Variants in MSH6 observed in about 807,000 individuals in gnomAD.
MSH6 encodes DNA mismatch repair protein Msh6.
A neutral mutation model predicts 119.1 loss-of-function variants in MSH6; 85 were observed. The ratio of observed to expected loss-of-function variants is 0.71; its 90% CI spans 0.60 to 0.85. MSH6 has a LOEUF of 0.85. MSH6 is among the 40% of genes least tolerant of loss of function. MSH6 has a pLI of 0.00. For missense variants in MSH6, 2,163 were observed against 1,655.3 expected (o/e 1.31, Z -5.32); for synonymous variants, 830 against 586.9 (o/e 1.41, Z -5.99).
At chr2:47,788,824 G>A (rs1255177470) in intron 1 of MSH6, among the ~76,000 whole-genome samples, 13 of 147,270 alleles carry the variant, frequency 8.8e-5, no homozygotes, top group African/African-American at 3.0e-4. Flanking sequence ...TGCCTGCCTC[G>A]TCCTCCCAAA....
rs1553413208 is a variant in MSH6 at position 47,799,806 on chromosome 2, T to C, written c.1823T>C (p.Ile608Thr). 2 of 1,614,228 alleles carry C rather than the reference T, an allele frequency of 1.2e-6. No individual in the cohort carries two copies. Among genetic ancestry groups the C allele is most frequent in the Middle Eastern group, 3.3e-4 (2 of 6,062 alleles). Residue 608 changes from isoleucine (I) to threonine (T), a missense_variant, in exon 4 of 10, where the codon ATT becomes ACT. Coordinates refer to ENST00000234420, the MANE Select transcript of MSH6 (RefSeq NM_000179.3). The stretch of plus-strand genomic sequence containing the variant: ...AATCTCTCAAAGGAAACTAAAACAA[T>C]TCTAAAGAGTTCATTGTCCTGTTCT... ...KGNLSKETKT[I>T]LKSSLSCSLQ...
chr2:47,803,299 G>C, intron 4 of MSH6, 121 bp from the exon 5 acceptor site: 1 of 1,306,544 alleles, frequency 7.7e-7, no homozygotes, highest in Middle Eastern at 2.0e-4. Context: ...GGAGATCGTT[G>C]GACTGTAATT....
Position 47,800,157 on chromosome 2 carries a change from T to C in MSH6, c.2174T>C (p.Ile725Thr), listed in dbSNP as rs2104392432. Residue 725 changes from isoleucine (I) to threonine (T), a missense_variant, in exon 4 of 10, where the codon ATC (isoleucine) becomes ACC (threonine). Ile to Thr is a moderately conservative substitution (Grantham distance 89). Transcript: ENST00000234420. ...DTVSTTRSGAIFTKAYQRMVL... is the reference protein window; with the variant it reads ...DTVSTTRSGATFTKAYQRMVL... ...GTCAGCACTACAAGATCTGGTGCTA[T>C]CTTCACCAAAGCCTATCAACGAATG... 3 of 1,614,202 alleles carry C rather than the reference T, an allele frequency of 1.9e-6. No homozygotes were observed. The highest frequency in any genetic ancestry group is 2.5e-6 in the Non-Finnish European group (3 of 1,180,028).
At chr2:47,804,830 G>GT (rs1669856452) in intron 5 of MSH6, 80 bp from the exon 6 acceptor site, 2 of 1,065,484 alleles carry the variant, frequency 1.9e-6, no homozygotes, top group South Asian at 1.3e-5. Context: ...TAGCTCTTAC[G>GT]TAAGGGTTCA....
At chr2:47,808,280 G>T, downstream of MSH6, 1 of 1,612,706 alleles carries the variant, frequency 6.2e-7, no homozygotes, top group Non-Finnish European at 8.5e-7. Context: ...TATTAGAAAA[G>T]TGAGGGGGAA....
rs1001812170 is a variant in MSH6, at chr2:47,804,981, T to A, written c.3510T>A (p.Ile1170=). Residue 1170 remains isoleucine, a synonymous_variant, in exon 6 of 10, where the codon ATT becomes ATA. Coordinates refer to ENST00000234420, the MANE Select transcript of MSH6 (RefSeq NM_000179.3). ...VPAEVCRLTP[I]DRVFTRLGAS... is the part of the protein sequence containing the mutation. Reference sequence around the variant, plus strand: ...CTGAAGTGTGCAGGCTCACACCAATTGATAGAGTGTTTACTAGACTTGGTG... The same window carrying A: ...CTGAAGTGTGCAGGCTCACACCAATAGATAGAGTGTTTACTAGACTTGGTG... The A allele has an allele frequency of 6.2e-7, 1 of 1,614,158 alleles. No individual in the cohort carries two copies.
At chr2:47,808,310 A>G, downstream of MSH6, 1 of 1,612,398 alleles carries the variant, frequency 6.2e-7, no homozygotes, top group South Asian at 1.1e-5. Context: ...GTAATATATC[A>G]AGCAAGTGTG....
At chr2:47,792,958 G>C (rs1668835634) in intron 2 of MSH6, among the ~76,000 whole-genome samples, 1 of 150,076 alleles carries the variant, frequency 6.7e-6, no homozygotes, top group Admixed American at 6.7e-5. Flanking sequence ...CTCCCAAGTA[G>C]TTGGGTGATC....
chr2:47,810,058 A>G, downstream of MSH6: 1 of 498,006 alleles, frequency 2.0e-6, no homozygotes, highest in Non-Finnish European at 3.5e-6. Context: ...GTGGTAATAC[A>G]AGCCTGCATT....
At position 47,796,884 on chromosome 2, in the gene MSH6, T is replaced by C. The variant is rs184266890; in HGVS notation, c.627+821T>C. ...GCTGAGGCATGAGAATTGCTTGAAC[T>C]TGGGAGGCAGAGGGACTTGGGAGGC... is the stretch of plus-strand genomic sequence containing the variant. On this transcript the variant is annotated intron_variant, in intron 3 of 9. Transcript: ENST00000234420. Among the ~76,000 whole-genome samples, 460 of 152,114 alleles carry C rather than the reference T, an allele frequency of 3.0e-3. 8 individuals are homozygous for C. The highest frequency in any genetic ancestry group is 1.6e-3 in the Non-Finnish European group (108 of 67,972).
At chr2:47,791,941 G>A (rs1275674308) in intron 2 of MSH6, among the ~76,000 whole-genome samples, 2 of 152,082 alleles carry the variant, frequency 1.3e-5, no homozygotes, top group South Asian at 2.1e-4. Context: ...CCACCTCCCG[G>A]GTTCAGGTGA....
At chr2:47,789,104 T>C (rs1471975291) in intron 1 of MSH6, among the ~76,000 whole-genome samples, 1 of 150,740 alleles carries the variant, frequency 6.6e-6, no homozygotes, top group East Asian at 2.0e-4. Context: ...TTTTGTATTT[T>C]TGGTAGAGAC....
At chr2:47,803,711 T>C (rs919607909) in intron 5 of MSH6, 26 bp downstream of exon 5, 10 of 1,613,810 alleles carry the variant, frequency 6.2e-6, no homozygotes, top group African/African-American at 1.3e-5. Flanking sequence ...AGTTTTGTTA[T>C]CAGAAAGTCA....
Position 47,803,507 on chromosome 2 carries a change from C to A in MSH6, c.3260C>A (p.Pro1087His), listed in dbSNP as rs63750753. The A allele has an allele frequency of 1.2e-4, 187 of 1,614,028 alleles. No individual in the cohort carries two copies. Among genetic ancestry groups the A allele is most frequent in the Admixed American group, 4.5e-4 (27 of 59,994 alleles). The change falls in exon 5 of 10, where the codon CCC (proline) becomes CAC (histidine). Residue 1087 changes from proline (P) to histidine (H), a missense_variant. Physicochemically the swap from Pro to His is moderately conservative, Grantham distance 77 (BLOSUM62 -2). Transcript: ENST00000234420. ...ATTCTGTTGCCGGAAGATACCCCCC[C>A]CTTCTTAGAGCTTAAAGGATCACGC... ...PVILLPEDTPPFLELKGSRHP... is the reference protein window; with the variant it reads ...PVILLPEDTPHFLELKGSRHP...
downstream of MSH6, chr2:47,807,907 T>G (rs929502628): frequency 8.0e-6 from 4 of 502,864 alleles, no homozygotes; most frequent in Non-Finnish European, 1.4e-5. Flanking sequence ...CTTTACACAG[T>G]AATGCTAAAA....
Position 47,783,512 on chromosome 2 carries a change from G to C in MSH6, c.260+19G>C. On this transcript the variant is annotated intron_variant, in intron 1 of 9. Transcript: ENST00000234420. ...CCACCAGGTAGCGGGGTGGGGGTGG[G>C]GTCGAAGGCGGGGGCATAGCGGCGG... 1 of 1,419,194 alleles carries C rather than the reference G, an allele frequency of 7.0e-7. No homozygotes were observed. The highest frequency in any genetic ancestry group is 1.6e-5 in the South Asian group (1 of 64,490). The allele number at this position is 1,419,194 out of a possible 1,614,324, so 87.9% of individuals were successfully genotyped here. A position where few individuals can be genotyped will look rare whatever the true frequency, so the allele number is the denominator to read the frequency against.
rs2104403683 is a variant in MSH6 at position 47,800,362 on chromosome 2, T to C, written c.2379T>C (p.Asp793=). 6.2e-7 allele frequency: 1 copy of C among 1,614,126 alleles called. No homozygotes were observed. The highest frequency in any genetic ancestry group is 1.3e-5 in the African/African-American group (1 of 75,032). The change falls in exon 4 of 10, where the codon GAT becomes GAC. Residue 793 remains aspartate (D), a synonymous_variant. Coordinates refer to ENST00000234420, the MANE Select transcript of MSH6 (RefSeq NM_000179.3). The part of the protein sequence containing the change: ...CNHYAINDRL[D]AIEDLMVVPD... ...ATTATGCTATTAATGATCGTCTAGA[T>C]GCCATAGAAGACCTCATGGTTGTGC...
At chr2:47,809,326 AGATTATAG>A, downstream of MSH6, 2 of 1,094,912 alleles carry the variant, frequency 1.8e-6, no homozygotes, top group Admixed American at 4.5e-5. Flanking sequence ...TAAAAACCAA[AGATTATAG>A]GATTATTCTA....
At position 47,801,247 on chromosome 2, in the gene MSH6, T is replaced by C. The variant is rs576591039; in HGVS notation, c.3172+92T>C. ...CCCTAAAAATAAGTAATAAGGTATA[T>C]ATGGTACATATTTTGACATGCATAT... On this transcript the variant is annotated intron_variant, in intron 4 of 9. Coordinates refer to ENST00000234420, the MANE Select transcript of MSH6 (RefSeq NM_000179.3). 158 of 1,346,258 alleles carry C rather than the reference T, an allele frequency of 1.2e-4. 1 individual carries two copies. In the South Asian group the frequency reaches 1.9e-3, roughly 16 times the overall value. The allele number at this position is 1,346,258 out of a possible 1,614,324, so 83.4% of individuals were successfully genotyped here.
Sources: gnomAD v4.1 joint callset for allele counts (sites outside exome capture counted in the v4.1 genomes callset) on GRCh38, gnomAD v4.1.1 for gene constraint, MANE v1.5 for transcripts, NCBI Gene and HGNC (gene_info 2026-07-23, HGNC 2026-07-21) for gene names.